ATP10B: variants seen among roughly 807,000 people sequenced by gnomAD.
ATP10B encodes the protein phospholipid-transporting ATPase VB.
ATP10B carries 122 observed loss-of-function variants against 141.2 expected under a neutral mutation model. That is an observed-to-expected ratio of 0.86 (90% CI 0.75 to 1.00). The LOEUF is 1.00. Among genes scored for constraint, ATP10B ranks in the 50% least tolerant of loss-of-function variants. ATP10B has a pLI of 0.00. For synonymous variants in ATP10B, 685 were observed against 692.0 expected (o/e 0.99, Z 0.16); for missense variants, 1,876 against 1,825.3 (o/e 1.03, Z -0.51).
At chr5:160,692,004 A>C (rs1764102870) in intron 3 of ATP10B, among the ~76,000 whole-genome samples, 1 of 152,256 alleles carries the variant, frequency 6.6e-6, no homozygotes, top group Admixed American at 6.5e-5. Flanking sequence ...AATAGCATTG[A>C]AAATGCAAAT....
At chr5:160,603,712 C>A (rs1315779580) in intron 20 of ATP10B, 2 of 486,468 alleles carry the variant, frequency 4.1e-6, no homozygotes, top group East Asian at 6.7e-5. Context: ...TCAAAACCCA[C>A]AAAATGTCTG....
chr5:160,783,000 C>T (rs1770832509), intron 2 of ATP10B, among the ~76,000 whole-genome samples: 1 of 151,984 alleles, frequency 6.6e-6, no homozygotes, highest in Non-Finnish European at 1.5e-5. Flanking sequence ...TTGTATGCCT[C>T]CTCCAGGAGA....
At chr5:160,697,750 T>A (rs897982340) in intron 3 of ATP10B, among the ~76,000 whole-genome samples, 1 of 152,172 alleles carries the variant, frequency 6.6e-6, no homozygotes, top group African/African-American at 2.4e-5. Flanking sequence ...ATAAATGTAA[T>A]CCTATAGAAT....
the ATP10B span, among the ~76,000 whole-genome samples, chr5:160,882,665 A>T: frequency 2.6e-5 from 4 of 152,186 alleles, no homozygotes; most frequent in Non-Finnish European, 5.9e-5. Context: ...AAGATGAGTA[A>T]TCACAAAGGA....
chr5:160,915,467 GA>G, the ATP10B span, among the ~76,000 whole-genome samples: 1 of 152,030 alleles, frequency 6.6e-6, no homozygotes, highest in Non-Finnish European at 1.5e-5. Flanking sequence ...GAGTAGCTGG[GA>G]TAACAGGCGC....
rs1759757212 is a variant in ATP10B at position 160,640,476 on chromosome 5, G to A, written c.985C>T (p.Leu329Phe). ...CATCCCATACCTACAGCTCCAATAA[G>A]GCACATGAGGATGAGGATCCCAATG... Reference protein sequence around the residue: ...FCIGILILMCLIGAVGHSIWN... With the variant: ...FCIGILILMCFIGAVGHSIWN... Residue 329 changes from leucine (L) to phenylalanine (F), a missense_variant, in exon 10 of 26, where the codon CTT becomes TTT. By Grantham distance (22) the Leu-to-Phe change is conservative. Coordinates refer to ENST00000327245, the MANE Select transcript of ATP10B (RefSeq NM_025153.3). The A allele has an allele frequency of 1.9e-6, 3 of 1,613,886 alleles. No homozygotes were observed. The highest frequency in any genetic ancestry group is 2.5e-6 in the Non-Finnish European group (3 of 1,179,950).
At chr5:160,729,027 T>C (rs1353470060) in intron 2 of ATP10B, among the ~76,000 whole-genome samples, 1 of 152,238 alleles carries the variant, frequency 6.6e-6, no homozygotes, top group African/African-American at 2.4e-5. Context: ...TCAGCTCTGC[T>C]GCTGATTTGC....
At chr5:160,631,465 A>G (rs1040842092) in intron 13 of ATP10B, among the ~76,000 whole-genome samples, 1 of 152,282 alleles carries the variant, frequency 6.6e-6, no homozygotes, top group Non-Finnish European at 1.5e-5. Flanking sequence ...CACAAACAGC[A>G]ATGCCCATAA....
chr5:160,779,371 T>A (rs1770567926), intron 2 of ATP10B, among the ~76,000 whole-genome samples: 1 of 152,154 alleles, frequency 6.6e-6, no homozygotes, highest in Non-Finnish European at 1.5e-5. Context: ...GCAAAAGTGA[T>A]GGGATGTCAC....
At chr5:160,909,058 T>C in the ATP10B span, among the ~76,000 whole-genome samples, 2 of 152,164 alleles carry the variant, frequency 1.3e-5, no homozygotes, top group Non-Finnish European at 2.9e-5. Context: ...GTAACAGATA[T>C]GGCACCTGCT....
At chr5:160,594,821 T>C (rs1383844061) in intron 22 of ATP10B, among the ~76,000 whole-genome samples, 4 of 152,132 alleles carry the variant, frequency 2.6e-5, no homozygotes, top group African/African-American at 9.7e-5. Context: ...AAGGGATCAA[T>C]TCAACAAGAA....
chr5:160,797,957 A>T (rs1459876523), intron 1 of ATP10B, among the ~76,000 whole-genome samples: 1 of 151,878 alleles, frequency 6.6e-6, no homozygotes, highest in Admixed American at 6.6e-5. Flanking sequence ...AGAAAAAAAA[A>T]AAAAAAGAGA....
chr5:160,803,746 A>G (rs969765157), intron 1 of ATP10B, among the ~76,000 whole-genome samples: 2 of 152,230 alleles, frequency 1.3e-5, no homozygotes, highest in African/African-American at 4.8e-5. Flanking sequence ...AGAATAATTT[A>G]AACCTGGTGG....
intron 7 of ATP10B, among the ~76,000 whole-genome samples, chr5:160,663,392 A>G (rs1314255735): frequency 6.6e-6 from 1 of 152,210 alleles, no homozygotes; most frequent in African/African-American, 2.4e-5. Flanking sequence ...ACCAACCCAA[A>G]TGCCCAACAA....
At chr5:160,843,842 T>G (rs796670092) in intron 1 of ATP10B, among the ~76,000 whole-genome samples, 4 of 152,216 alleles carry the variant, frequency 2.6e-5, no homozygotes, top group African/African-American at 7.2e-5. Flanking sequence ...TTTCTCAAGT[T>G]TTTTTCATTT....
At chr5:160,720,635 C>T (rs1403259359) in intron 2 of ATP10B, among the ~76,000 whole-genome samples, 1 of 152,198 alleles carries the variant, frequency 6.6e-6, no homozygotes, top group Non-Finnish European at 1.5e-5. Flanking sequence ...ACAATTTCAG[C>T]ACAGTTTTCT....
chr5:160,675,430 G>T (rs904076715), intron 6 of ATP10B, among the ~76,000 whole-genome samples: 1 of 152,182 alleles, frequency 6.6e-6, no homozygotes, highest in Admixed American at 6.5e-5. Context: ...AGCAAGAGAG[G>T]TTTGTAGCCA....
chr5:160,900,800 T>TTTGG, the ATP10B span, among the ~76,000 whole-genome samples: 1 of 151,148 alleles, frequency 6.6e-6, no homozygotes, highest in African/African-American at 2.4e-5. Context: ...ACATTTTTTT[T>TTTGG]TTATTTGTGG....
the ATP10B span, among the ~76,000 whole-genome samples, chr5:160,892,873 C>G: frequency 2.6e-4 from 40 of 152,270 alleles, no homozygotes; most frequent in East Asian, 7.5e-3. Flanking sequence ...ACCAGTTAGA[C>G]AGTTGGTGCA....
Sources: allele counts gnomAD v4.1 joint callset (sites outside exome capture counted in the v4.1 genomes callset), GRCh38; gene constraint gnomAD v4.1.1; transcripts MANE v1.5; gene names NCBI Gene and HGNC (gene_info 2026-07-23, HGNC 2026-07-21).